Variants in CDKL4 observed in about 807,000 individuals in gnomAD.
The protein encoded by CDKL4 is cyclin dependent kinase like 4, also known as cyclin-dependent kinase-like 4.
A neutral mutation model predicts 42.0 loss-of-function variants in CDKL4; 44 were observed. The ratio of observed to expected loss-of-function variants is 1.05; its 90% CI spans 0.82 to 1.35. The LOEUF (loss-of-function observed/expected upper bound fraction) is 1.35, where lower values mean the gene tolerates loss of function less well. Ranked by LOEUF, CDKL4 falls within the 40% of genes most tolerant of loss-of-function variation. The probability of loss-of-function intolerance (pLI) is 0.00; values close to 1 mark genes in which losing one functional copy is unlikely to be tolerated. For synonymous variants in CDKL4, 120 were observed against 121.6 expected (o/e 0.99, Z 0.09); for missense variants, 393 against 369.9 (o/e 1.06, Z -0.51).
intron 7 of CDKL4, among the ~76,000 whole-genome samples, chr2:39,185,317 C>CATATAT (rs372001348): frequency 5.7e-5 from 2 of 34,790 alleles, no homozygotes; most frequent in African/African-American, 2.5e-4. Flanking sequence ...TGTATATATA[C>CATATAT]ATATATATAC....
intron 4 of CDKL4, among the ~76,000 whole-genome samples, chr2:39,205,105 C>G (rs1459965606): frequency 7.2e-5 from 11 of 151,766 alleles, no homozygotes; most frequent in Admixed American, 6.6e-4. Context: ...ATTTGAGCCT[C>G]GAAGGTTGAG....
chr2:39,242,460 G>A (rs1175290464), intron 1 of CDKL4, among the ~76,000 whole-genome samples: 2 of 152,196 alleles, frequency 1.3e-5, no homozygotes, highest in East Asian at 1.9e-4. Context: ...TTAAAGTTCT[G>A]TGTACAAAGG....
intron 5 of CDKL4, among the ~76,000 whole-genome samples, chr2:39,200,456 C>G (rs1572972268): frequency 1.3e-5 from 2 of 151,742 alleles, no homozygotes; most frequent in South Asian, 4.2e-4. Context: ...TCAAAATACC[C>G]CCATCATTCT....
downstream of CDKL4, among the ~76,000 whole-genome samples, chr2:39,171,153 C>T (rs746342363): frequency 6.6e-6 from 1 of 151,464 alleles, no homozygotes; most frequent in African/African-American, 2.4e-5. Context: ...GCAGGAGGAT[C>T]GCTTGAACAT....
chr2:39,169,794 CTT>C, the CDKL4 span, among the ~76,000 whole-genome samples: 15 of 152,182 alleles, frequency 9.9e-5, no homozygotes, highest in African/African-American at 3.4e-4. Flanking sequence ...AATGACCACT[CTT>C]ATTATTTTAT....
rs980128689 is a variant in CDKL4 at position 39,188,716 on chromosome 2, G to T, written c.653-1007C>A. ...AGTTGTTATTATTTTTTCAGACAGG[G>T]TCTCTCTCTGTTGCCAAAACTGGAG... is the stretch of plus-strand genomic sequence containing the variant. On this transcript the variant is annotated intron_variant, in intron 6 of 9. Transcript: ENST00000451199. Among the ~76,000 whole-genome samples, 4 of 151,684 alleles carry T rather than the reference G, an allele frequency of 2.6e-5. No homozygotes were observed. In the South Asian group the frequency reaches 6.2e-4, roughly 24 times the overall value.
intron 9 of CDKL4, chr2:39,178,808 G>C: frequency 6.4e-7 from 1 of 1,552,440 alleles, no homozygotes. Context: ...TGCACATCTG[G>C]AGGCTACAGA....
At chr2:39,185,883 T>C (rs184418530) in intron 7 of CDKL4, among the ~76,000 whole-genome samples, 165 of 152,330 alleles carry the variant, frequency 1.1e-3, no homozygotes, top group African/African-American at 3.9e-3. Flanking sequence ...GCTGGGTAAA[T>C]GTGGGTCCCA....
chr2:39,214,940 T>G (rs1033978562), intron 3 of CDKL4, among the ~76,000 whole-genome samples: 3 of 152,196 alleles, frequency 2.0e-5, no homozygotes, highest in African/African-American at 7.2e-5. Context: ...CTGGGAGTAT[T>G]CTACTTTATG....
intron 5 of CDKL4, 71 bp from the exon 6 acceptor site, chr2:39,190,573 G>C: frequency 7.7e-7 from 1 of 1,295,218 alleles, no homozygotes; most frequent in Non-Finnish European, 1.1e-6. Context: ...GAACACATCA[G>C]GCATTCAGGC....
intron 4 of CDKL4, among the ~76,000 whole-genome samples, chr2:39,207,311 G>A (rs1572984773): frequency 1.3e-5 from 2 of 152,176 alleles, no homozygotes; most frequent in South Asian, 4.1e-4. Context: ...CTTGTGCCCA[G>A]GAGGTGGAGG....
At position 39,229,623 on chromosome 2, in the gene CDKL4, A is replaced by G. The variant is rs544159408; in HGVS notation, c.-56-35T>C. 8.0e-6 allele frequency: 8 copies of G among 1,000,560 alleles called. No individual in the cohort carries two copies. The South Asian group carries it at 1.0e-4, about 13-fold the overall frequency. 62.0% of individuals were successfully genotyped at this position (1,000,560 alleles called of 1,614,324 possible). Reference sequence around the variant, plus strand: ...AAGGTAGACTTGCCTTAATCAAGCTATAAAAGACAATGTTCTCACAGGTTA... The same window carrying G: ...AAGGTAGACTTGCCTTAATCAAGCTGTAAAAGACAATGTTCTCACAGGTTA... On this transcript the variant is annotated intron_variant, in intron 1 of 9. Transcript: ENST00000451199.
intron 5 of CDKL4, among the ~76,000 whole-genome samples, chr2:39,201,272 T>C (rs914696230): frequency 8.0e-5 from 12 of 150,004 alleles, no homozygotes; most frequent in African/African-American, 2.9e-4. Context: ...GATACCACTT[T>C]ACTCCTGCAA....
At chr2:39,205,406 T>G (rs1321683013) in intron 4 of CDKL4, among the ~76,000 whole-genome samples, 1 of 151,968 alleles carries the variant, frequency 6.6e-6, no homozygotes, top group Non-Finnish European at 1.5e-5. Context: ...AAAGCAAAAT[T>G]CACTTATAAT....
At chr2:39,227,127 C>T (rs1254178249) in intron 2 of CDKL4, among the ~76,000 whole-genome samples, 1 of 152,164 alleles carries the variant, frequency 6.6e-6, no homozygotes, top group African/African-American at 2.4e-5. Flanking sequence ...CCAGGCAGGA[C>T]ACTGGGACAA....
intron 1 of CDKL4, among the ~76,000 whole-genome samples, chr2:39,240,688 A>G (rs1679618015): frequency 6.6e-6 from 1 of 151,232 alleles, no homozygotes; most frequent in Non-Finnish European, 1.5e-5. Flanking sequence ...AAAAAAAAAA[A>G]AAAAAAAGAA....
At chr2:39,178,607 A>G (rs1468636284) in intron 9 of CDKL4, 1 of 1,560,438 alleles carries the variant, frequency 6.4e-7, no homozygotes. Context: ...GATAAACTGC[A>G]GAATTAATGT....
At chr2:39,207,508 A>G (rs1677276984) in intron 4 of CDKL4, among the ~76,000 whole-genome samples, 2 of 152,374 alleles carry the variant, frequency 1.3e-5, no homozygotes, top group East Asian at 1.9e-4. Context: ...TGGTGATTGC[A>G]TTAGAACAGG....
At chr2:39,235,158 A>G (rs535063579) in intron 1 of CDKL4, among the ~76,000 whole-genome samples, 1 of 152,284 alleles carries the variant, frequency 6.6e-6, no homozygotes, top group Non-Finnish European at 1.5e-5. Flanking sequence ...GATTATAGGC[A>G]TGAGCCTCCA....
Sources: allele counts gnomAD v4.1 joint callset (sites outside exome capture counted in the v4.1 genomes callset), GRCh38; gene constraint gnomAD v4.1.1; transcripts MANE v1.5; gene names NCBI Gene and HGNC (gene_info 2026-07-23, HGNC 2026-07-21).